The following IL15 variants were observed in gnomAD, a reference collection of about 807,000 sequenced individuals.
The protein encoded by IL15 is interleukin 15.
A neutral mutation model predicts 19.6 loss-of-function variants in IL15; 11 were observed. The observed-to-expected ratio is 0.56, with a 90% CI of 0.35 to 0.93. The LOEUF is 0.93. Ranked by LOEUF, IL15 falls within the 40% of genes least tolerant of loss-of-function variation. IL15 has a pLI of 0.01. For missense variants in IL15, 197 were observed against 186.5 expected (o/e 1.06, Z -0.33); for synonymous variants, 58 against 59.6 (o/e 0.97, Z 0.12).
chr4:141,657,677 C>T (rs1234991498), intron 2 of IL15, among the ~76,000 whole-genome samples: 1 of 152,092 alleles, frequency 6.6e-6, no homozygotes, highest in Non-Finnish European at 1.5e-5. Context: ...GGATCATCAA[C>T]ATCACTGTCT....
chr4:141,647,931 T>C (rs1028992014), intron 1 of IL15, among the ~76,000 whole-genome samples: 1 of 152,042 alleles, frequency 6.6e-6, no homozygotes, highest in African/African-American at 2.4e-5. Context: ...ATAAAGGTCA[T>C]AGATGAGAAG....
chr4:141,650,091 G>C (rs1727354811), intron 1 of IL15, among the ~76,000 whole-genome samples: 1 of 152,020 alleles, frequency 6.6e-6, no homozygotes, highest in African/African-American at 2.4e-5. Flanking sequence ...AGCAAAAGTG[G>C]TGGATTAGCC....
chr4:141,708,618 A>C (rs932706281), intron 2 of IL15, among the ~76,000 whole-genome samples: 7 of 152,142 alleles, frequency 4.6e-5, no homozygotes, highest in African/African-American at 1.7e-4. Context: ...CCCCATAAGA[A>C]GAAGTCTCCC....
chr4:141,726,168 G>A (rs868855916), intron 5 of IL15, among the ~76,000 whole-genome samples: 2 of 152,052 alleles, frequency 1.3e-5, no homozygotes, highest in Non-Finnish European at 2.9e-5. Flanking sequence ...TTTTGGAGGG[G>A]ACATTCAAAC....
At chr4:141,712,477 A>G (rs1579044013) in intron 2 of IL15, among the ~76,000 whole-genome samples, 1 of 151,932 alleles carries the variant, frequency 6.6e-6, no homozygotes, top group East Asian at 1.9e-4. Flanking sequence ...ACAGAAAACT[A>G]TGATCAGAGA....
rs1284350483 is a variant in IL15, at chr4:141,733,401, A to T, written c.*553A>T. The stretch of plus-strand genomic sequence containing the variant: ...TGTGAATCCTCTTCTTTATACTGTA[A>T]TTTAGTTATTGATGTATAAAGCAAC... On this transcript the variant is annotated 3_prime_UTR_variant, in exon 8 of 8. Transcript: ENST00000320650. 2 of 152,242 alleles carry T rather than the reference A, an allele frequency of 1.3e-5. No individual in the cohort carries two copies. The highest frequency in any genetic ancestry group is 2.4e-5 in the African/African-American group (1 of 41,450). 9.4% of individuals were successfully genotyped at this position (152,242 alleles called of 1,614,324 possible).
chr4:141,712,228 G>T (rs1008876831), intron 2 of IL15, among the ~76,000 whole-genome samples: 6 of 151,958 alleles, frequency 3.9e-5, no homozygotes, highest in South Asian at 2.1e-4. Context: ...ACTATGGTTT[G>T]GGATAATTTC....
At chr4:141,674,932 GTTC>G (rs1728290314) in intron 2 of IL15, among the ~76,000 whole-genome samples, 3 of 126,428 alleles carry the variant, frequency 2.4e-5, no homozygotes, top group Non-Finnish European at 5.4e-5. Context: ...TGGACTGGGT[GTTC>G]TACTTGGGGT....
chr4:141,681,458 G>T (rs1232535087), intron 2 of IL15, among the ~76,000 whole-genome samples: 2 of 152,096 alleles, frequency 1.3e-5, no homozygotes, highest in Non-Finnish European at 2.9e-5. Context: ...AGGGTAAGTG[G>T]CAGTCCAGAC....
At chr4:141,715,750 GA>G (rs1434777765) in intron 2 of IL15, 1 of 152,100 alleles carries the variant, frequency 6.6e-6, no homozygotes, top group African/African-American at 2.4e-5. Flanking sequence ...ATTTAACCCA[GA>G]AAACCAATAC....
At chr4:141,729,562 G>A (rs1430373796) in intron 6 of IL15, among the ~76,000 whole-genome samples, 2 of 152,070 alleles carry the variant, frequency 1.3e-5, no homozygotes, top group Non-Finnish European at 2.9e-5. Flanking sequence ...TTCCACAGGG[G>A]AAATGTGCTC....
At chr4:141,690,045 C>G (rs539586568) in intron 2 of IL15, among the ~76,000 whole-genome samples, 1 of 151,992 alleles carries the variant, frequency 6.6e-6, no homozygotes, top group South Asian at 2.1e-4. Flanking sequence ...GAGCACAGCG[C>G]TGGTGGGCTG....
intron 1 of IL15, among the ~76,000 whole-genome samples, chr4:141,653,036 A>C (rs2152156999): frequency 6.6e-6 from 1 of 152,282 alleles, no homozygotes; most frequent in African/African-American, 2.4e-5. Context: ...CTGTGGCAGC[A>C]CTGAGTGATC....
intron 2 of IL15, among the ~76,000 whole-genome samples, chr4:141,695,929 G>C (rs909031174): frequency 2.0e-4 from 30 of 151,722 alleles, no homozygotes. Context: ...AGTTTCCTTT[G>C]CTGTTCAAAA....
chr4:141,688,353 G>T (rs1728776844), intron 2 of IL15, among the ~76,000 whole-genome samples: 1 of 152,112 alleles, frequency 6.6e-6, no homozygotes, highest in Non-Finnish European at 1.5e-5. Context: ...TTTTCAAGAG[G>T]CAATAATGTG....
intron 1 of IL15, among the ~76,000 whole-genome samples, chr4:141,648,406 T>G (rs971810485): frequency 6.6e-6 from 1 of 152,116 alleles, no homozygotes; most frequent in African/African-American, 2.4e-5. Context: ...ACAAGGCACA[T>G]CTTATTCTCT....
chr4:141,723,931 G>A (rs1168941840), intron 5 of IL15, among the ~76,000 whole-genome samples: 1 of 151,994 alleles, frequency 6.6e-6, no homozygotes, highest in Non-Finnish European at 1.5e-5. Flanking sequence ...GTAACTAATG[G>A]AAGTACTAGA....
chr4:141,680,750 A>G (rs1158673703), intron 2 of IL15, among the ~76,000 whole-genome samples: 3 of 152,120 alleles, frequency 2.0e-5, no homozygotes, highest in African/African-American at 7.2e-5. Flanking sequence ...TGTTCAACCC[A>G]TCTTTACTGT....
intron 2 of IL15, among the ~76,000 whole-genome samples, chr4:141,690,372 G>T (rs865862798): frequency 6.6e-6 from 1 of 152,164 alleles, no homozygotes; most frequent in Non-Finnish European, 1.5e-5. Context: ...CAGAGGAGTC[G>T]CCGAGAGCGA....
Sources: gnomAD v4.1 joint callset for allele counts (sites outside exome capture counted in the v4.1 genomes callset) on GRCh38, gnomAD v4.1.1 for gene constraint, MANE v1.5 for transcripts, NCBI Gene and HGNC (gene_info 2026-07-23, HGNC 2026-07-21) for gene names.